CRACR2A: variants seen among roughly 807,000 people sequenced by gnomAD.
CRACR2A encodes EF-hand calcium-binding domain-containing protein 4B.
A neutral mutation model predicts 90.5 loss-of-function variants in CRACR2A; 79 were observed. The ratio of observed to expected loss-of-function variants is 0.87; its 90% CI spans 0.73 to 1.05. CRACR2A has a LOEUF of 1.05. CRACR2A is among the 50% of genes least tolerant of loss of function. CRACR2A has a pLI of 0.00. For missense variants in CRACR2A, 823 were observed against 897.2 expected (o/e 0.92, Z 1.06); for synonymous variants, 338 against 356.7 (o/e 0.95, Z 0.59).
chr12:3,623,037 A>C (rs531217767), intron 17 of CRACR2A, among the ~76,000 whole-genome samples: 2 of 152,320 alleles, frequency 1.3e-5, no homozygotes, highest in East Asian at 3.9e-4. Context: ...TGAGCTGAAG[A>C]ACTGTTCTGC....
At chr12:3,705,738 C>T (rs1305068836) in intron 3 of CRACR2A, among the ~76,000 whole-genome samples, 2 of 152,154 alleles carry the variant, frequency 1.3e-5, no homozygotes, top group African/African-American at 4.8e-5. Flanking sequence ...ATGTGAGTGC[C>T]GTCTTGTGGA....
chr12:3,713,337 T>A lies in CRACR2A; in HGVS notation c.-117-20A>T, dbSNP rs761021466. The stretch of plus-strand genomic sequence containing the variant: ...TTCCACCTAGGAAACACACAAGAGA[T>A]GAATCACACCTTATTTTCCACTGAG... On this transcript the variant is annotated intron_variant, in intron 2 of 19. Transcript: ENST00000440314. 8.2e-6 allele frequency: 8 copies of A among 981,372 alleles called. No homozygotes were observed. The highest frequency in any genetic ancestry group is 9.7e-6 in the Non-Finnish European group (8 of 826,318). The allele number at this position is 981,372 out of a possible 1,614,324, so 60.8% of individuals were successfully genotyped here. A position where few individuals can be genotyped will look rare whatever the true frequency, so the allele number is the denominator to read the frequency against.
At chr12:3,653,128 G>A (rs537933894) in intron 10 of CRACR2A, among the ~76,000 whole-genome samples, 13 of 152,234 alleles carry the variant, frequency 8.5e-5, no homozygotes, top group East Asian at 1.9e-4. Flanking sequence ...GATTACAGGC[G>A]TGCGCCATCA....
intron 2 of CRACR2A, chr12:3,731,190 C>T (rs1223881894): frequency 6.6e-6 from 1 of 152,502 alleles, no homozygotes; most frequent in Non-Finnish European, 1.5e-5. Context: ...CCTCCGCCAC[C>T]TCCAGGGGGA....
chr12:3,698,093 T>C (rs939214951), intron 3 of CRACR2A, among the ~76,000 whole-genome samples: 3 of 152,156 alleles, frequency 2.0e-5, no homozygotes, highest in African/African-American at 7.2e-5. Flanking sequence ...GTCTGTGAAA[T>C]CGCCACATCA....
intron 2 of CRACR2A, among the ~76,000 whole-genome samples, chr12:3,721,370 CA>C (rs140016599): frequency 4.9e-4 from 60 of 121,744 alleles, no homozygotes; most frequent in Admixed American, 4.9e-4. Flanking sequence ...CCCGTCTCTA[CA>C]AAAAAAAAAA....
At position 3,625,920 on chromosome 12, in the gene CRACR2A, A is replaced by G. The variant is rs141649454; in HGVS notation, c.1932+1516T>C. Reference sequence around the variant, plus strand: ...CCAACAACAACAACAAAAGTAAAAAAAAGAACAGAAGAGAAAGATCGTGTC... The same window carrying G: ...CCAACAACAACAACAAAAGTAAAAAGAAGAACAGAAGAGAAAGATCGTGTC... On this transcript the variant is annotated intron_variant, in intron 17 of 19. Coordinates refer to ENST00000440314, the MANE Select transcript of CRACR2A (RefSeq NM_001144958.2). 6.8e-4 allele frequency among the ~76,000 whole-genome samples: 104 copies of G among 152,262 alleles called. No homozygotes were observed. In the East Asian group the frequency reaches 0.014, roughly 20 times the overall value.
intron 19 of CRACR2A, among the ~76,000 whole-genome samples, chr12:3,615,899 G>C (rs889899476): frequency 2.0e-5 from 3 of 152,270 alleles, no homozygotes; most frequent in Admixed American, 6.5e-5. Context: ...ATACTGATGG[G>C]TCGTAACCTC....
At chr12:3,695,935 C>T (rs953087377) in intron 4 of CRACR2A, among the ~76,000 whole-genome samples, 26 of 152,188 alleles carry the variant, frequency 1.7e-4, no homozygotes, top group African/African-American at 5.8e-4. Flanking sequence ...AAACTCTGCC[C>T]CTGGGCTAAA....
At chr12:3,707,585 G>T (rs1945947256) in intron 3 of CRACR2A, among the ~76,000 whole-genome samples, 1 of 152,160 alleles carries the variant, frequency 6.6e-6, no homozygotes, top group South Asian at 2.1e-4. Context: ...CCACAGCATG[G>T]TATCTGGTGG....
intron 2 of CRACR2A, among the ~76,000 whole-genome samples, chr12:3,713,747 T>A (rs2137778783): frequency 6.6e-6 from 1 of 152,262 alleles, no homozygotes; most frequent in Non-Finnish European, 1.5e-5. Flanking sequence ...GTGGCAAGAA[T>A]CACTGCCTTC....
chr12:3,720,416 G>A (rs374928587), intron 2 of CRACR2A, among the ~76,000 whole-genome samples: 21 of 106,628 alleles, frequency 2.0e-4, no homozygotes, highest in Non-Finnish European at 3.0e-4. Flanking sequence ...TGAGAGAGAG[G>A]AAGAAAGAAA....
At position 3,711,744 on chromosome 12, in the gene CRACR2A, C is replaced by G. The variant is rs1430077393; in HGVS notation, c.-37+1493G>C. Reference sequence around the variant, plus strand: ...AAATTCTTTCAGCCTCTGTCTATTACCCATTCCACAGCCACATCCACATTT... The same window carrying G: ...AAATTCTTTCAGCCTCTGTCTATTAGCCATTCCACAGCCACATCCACATTT... On this transcript the variant is annotated intron_variant, in intron 3 of 19. Transcript: ENST00000440314. This position sits in a 1 kb window ranked among gnomAD's most constrained non-coding sequence, Gnocchi z 4.3. Among the ~76,000 whole-genome samples the G allele has an allele frequency of 6.6e-6, 1 of 152,172 alleles. No homozygotes were observed. The highest frequency in any genetic ancestry group is 1.5e-5 in the Non-Finnish European group (1 of 68,040).
intron 3 of CRACR2A, among the ~76,000 whole-genome samples, chr12:3,709,344 AGAG>A (rs1300845210): frequency 6.6e-6 from 1 of 152,272 alleles, no homozygotes; most frequent in African/African-American, 2.4e-5. Context: ...AATCCAATAA[AGAG>A]GAGGTTTTCT....
intron 3 of CRACR2A, among the ~76,000 whole-genome samples, chr12:3,708,478 G>T (rs1196898929): frequency 6.6e-6 from 1 of 152,180 alleles, no homozygotes; most frequent in Non-Finnish European, 1.5e-5. Context: ...AGGCTGGAGT[G>T]CAGTGGCGCC....
chr12:3,648,698 T>C, intron 10 of CRACR2A, 85 bp from the exon 11 acceptor site: 1 of 1,530,232 alleles, frequency 6.5e-7, no homozygotes. Flanking sequence ...CAGCAGGTGA[T>C]GCCGTGCTGG....
intron 1 of CRACR2A, among the ~76,000 whole-genome samples, chr12:3,735,585 G>A (rs769289268): frequency 1.3e-5 from 2 of 152,216 alleles, no homozygotes; most frequent in African/African-American, 4.8e-5. Flanking sequence ...AGCCTGTAAG[G>A]TAGTTCAAGG....
At position 3,713,254 on chromosome 12, in the gene CRACR2A, C is replaced by G. The variant is rs1483578328; in HGVS notation, c.-54G>C. The G allele has an allele frequency of 1.0e-6, 1 of 985,288 alleles. No individual in the cohort carries two copies. The highest frequency in any genetic ancestry group is 1.7e-5 in the African/African-American group (1 of 57,218). 61.0% of individuals were successfully genotyped at this position (985,288 alleles called of 1,614,324 possible). A position where few individuals can be genotyped will look rare whatever the true frequency, so the allele number is the denominator to read the frequency against. On this transcript the variant is annotated 5_prime_UTR_variant, in exon 3 of 20. Coordinates refer to ENST00000440314, the MANE Select transcript of CRACR2A (RefSeq NM_001144958.2). ...TCACTCACCTTGCAGCTCCCGGCTC[C>G]TCGGAGGACCTGCAACTCTTCACAC...
At chr12:3,672,764 C>T in intron 7 of CRACR2A, 3 of 985,466 alleles carry the variant, frequency 3.0e-6, no homozygotes, top group Non-Finnish European at 3.6e-6. Context: ...TCTTCAGCAG[C>T]TTCTTCAGGG....
Sources: gnomAD v4.1 joint callset for allele counts (sites outside exome capture counted in the v4.1 genomes callset) on GRCh38, gnomAD v4.1.1 for gene constraint, Gnocchi (gnomAD v3.1) non-coding constraint, MANE v1.5 for transcripts, NCBI Gene and HGNC (gene_info 2026-07-23, HGNC 2026-07-21) for gene names.